ADARB2: variants seen among roughly 807,000 people sequenced by gnomAD.
The protein encoded by ADARB2 is adenosine deaminase RNA specific B2 (inactive), also known as inactive double-stranded RNA-specific editase B2.
In ADARB2, 25 loss-of-function variants were observed where a neutral mutation model predicts 62.2. The ratio of observed to expected loss-of-function variants is 0.40; its 90% CI spans 0.29 to 0.56. The LOEUF (loss-of-function observed/expected upper bound fraction) is 0.56, where lower values mean the gene tolerates loss of function less well. ADARB2 is among the 20% of genes least tolerant of loss of function. ADARB2 has a pLI of 0.43. For synonymous variants in ADARB2, 572 were observed against 500.8 expected, an observed-to-expected ratio of 1.14 and a Z score of -1.90; for missense variants, 1,071 against 1,077.4, an observed-to-expected ratio of 0.99 and a Z score of 0.08.
chr10:1,391,008 C>T (rs943674057), intron 1 of ADARB2, among the ~76,000 whole-genome samples: 2 of 152,226 alleles, frequency 1.3e-5, no homozygotes, highest in Non-Finnish European at 2.9e-5. Context: ...GGCTCACCCC[C>T]TGCCCCCTTA....
chr10:1,496,147 C>T (rs62650669), intron 1 of ADARB2, among the ~76,000 whole-genome samples: 24,738 of 151,538 alleles, frequency 0.16, 2,269 homozygotes, highest in East Asian at 0.25. Flanking sequence ...TCATAATCAC[C>T]ATCATTATTA....
intron 1 of ADARB2, among the ~76,000 whole-genome samples, chr10:1,693,469 A>G (rs995588827): frequency 3.3e-5 from 5 of 152,258 alleles, no homozygotes; most frequent in Non-Finnish European, 7.3e-5. Context: ...AAGGATAAAA[A>G]TATAACTCAA....
intron 6 of ADARB2, among the ~76,000 whole-genome samples, chr10:1,226,102 T>C (rs1830742922): frequency 2.0e-5 from 3 of 152,234 alleles, no homozygotes; most frequent in Non-Finnish European, 4.4e-5. Context: ...GGAGGCTTTC[T>C]TCATTTCTTT....
chr10:1,641,839 C>A (rs1028307866), intron 1 of ADARB2, among the ~76,000 whole-genome samples: 3 of 152,086 alleles, frequency 2.0e-5, no homozygotes, highest in African/African-American at 4.8e-5. Context: ...ACGATGAAAC[C>A]CTGTCTCTAC....
chr10:1,476,593 G>T (rs896075738), intron 1 of ADARB2, among the ~76,000 whole-genome samples: 1 of 152,214 alleles, frequency 6.6e-6, no homozygotes, highest in Non-Finnish European at 1.5e-5. Context: ...GGGAGCTGAG[G>T]TGAGGTTTTA....
intron 1 of ADARB2, among the ~76,000 whole-genome samples, chr10:1,457,240 C>T (rs1231136270): frequency 6.6e-6 from 1 of 152,224 alleles, no homozygotes; most frequent in African/African-American, 2.4e-5. Context: ...TAAGGCTCAG[C>T]TTGCTGCAGA....
intron 2 of ADARB2, among the ~76,000 whole-genome samples, chr10:1,367,780 T>G (rs574812281): frequency 1.1e-4 from 17 of 152,342 alleles, no homozygotes; most frequent in Admixed American, 9.8e-4. Flanking sequence ...TGGCTGGCGT[T>G]ATTGCATGAC....
chr10:1,460,590 T>A (rs12766592), intron 1 of ADARB2, among the ~76,000 whole-genome samples: 53 of 44,040 alleles, frequency 1.2e-3, no homozygotes, highest in African/African-American at 2.0e-3. Context: ...TTACCTGCGT[T>A]ACGAACCTGC....
At chr10:1,650,222 A>G (rs1222564053) in intron 1 of ADARB2, among the ~76,000 whole-genome samples, 2 of 152,208 alleles carry the variant, frequency 1.3e-5, no homozygotes, top group African/African-American at 4.8e-5. Flanking sequence ...TTTATAGCCT[A>G]GTTTATGTTT....
rs145511384 is a variant in ADARB2 at position 1,337,062 on chromosome 10, C to CTGTGTGTGTGTG, written c.1077+25954_1077+25965dup. ...TTTTCCCTTTTTTACTTAAAGATTT[C>CTGTGTGTGTGTG]TGTGTGTGTGTGTGTGTGTGTGTGT... On this transcript the variant is annotated intron_variant, in intron 3 of 9. Transcript: ENST00000381312. Among the ~76,000 whole-genome samples, 765 of 142,138 alleles carry CTGTGTGTGTGTG rather than the reference C, an allele frequency of 5.4e-3. 5 individuals are homozygous for CTGTGTGTGTGTG. The highest frequency in any genetic ancestry group is 0.013 in the African/African-American group (470 of 37,022). 93.2% of individuals were successfully genotyped at this position (142,138 alleles called of 152,430 possible).
intron 1 of ADARB2, among the ~76,000 whole-genome samples, chr10:1,470,662 G>A (rs80198849): frequency 1.3e-3 from 198 of 152,294 alleles, no homozygotes; most frequent in African/African-American, 4.6e-3. Flanking sequence ...GTAGTGTAAC[G>A]TGTAAATGAT....
At chr10:1,242,389 C>G in intron 4 of ADARB2, 90 bp from the exon 5 acceptor site, 1 of 1,425,568 alleles carries the variant, frequency 7.0e-7, no homozygotes. Flanking sequence ...ACAGCGGTTT[C>G]CCTGGGTTAG....
intron 1 of ADARB2, among the ~76,000 whole-genome samples, chr10:1,705,717 C>T (rs60539362): frequency 2.0e-5 from 3 of 152,164 alleles, no homozygotes; most frequent in Non-Finnish European, 4.4e-5. Context: ...GCTGTTCTTA[C>T]AAAGAAGCGT....
chr10:1,200,607 C>T (rs971061037), intron 7 of ADARB2, among the ~76,000 whole-genome samples: 67 of 152,282 alleles, frequency 4.4e-4, no homozygotes, highest in African/African-American at 1.5e-3. Flanking sequence ...ATTACATTAA[C>T]AAATGACCTT....
intron 8 of ADARB2, chr10:1,186,392 G>A: frequency 2.1e-6 from 1 of 465,388 alleles, no homozygotes; most frequent in Non-Finnish European, 4.3e-6. Context: ...GGGAGTCCAG[G>A]CTCCCACTCA....
intron 6 of ADARB2, among the ~76,000 whole-genome samples, chr10:1,220,477 A>C (rs1001631268): frequency 7.2e-5 from 11 of 152,040 alleles, no homozygotes; most frequent in Non-Finnish European, 1.6e-4. Context: ...ATGACTCAAA[A>C]CACTTGGTTT....
chr10:1,185,613 G>A (rs1257058438), intron 8 of ADARB2, among the ~76,000 whole-genome samples: 6 of 152,208 alleles, frequency 3.9e-5, no homozygotes, highest in Admixed American at 6.5e-5. Context: ...AGTGCACAGC[G>A]GAAATATGGG....
At chr10:1,411,714 G>A (rs925717424) in intron 1 of ADARB2, among the ~76,000 whole-genome samples, 9 of 152,208 alleles carry the variant, frequency 5.9e-5, no homozygotes, top group African/African-American at 2.2e-4. Flanking sequence ...GAAGCGGATC[G>A]AACCATCCGT....
intron 3 of ADARB2, among the ~76,000 whole-genome samples, chr10:1,356,887 A>G (rs536168653): frequency 6.6e-6 from 1 of 152,332 alleles, no homozygotes; most frequent in African/African-American, 2.4e-5. Context: ...GGAAGGGCTG[A>G]TTCCTACCTA....
Sources: gnomAD v4.1 joint callset for allele counts (sites outside exome capture counted in the v4.1 genomes callset) on GRCh38, gnomAD v4.1.1 for gene constraint, MANE v1.5 for transcripts, NCBI Gene and HGNC (gene_info 2026-07-23, HGNC 2026-07-21) for gene names.